CDH2: variants seen among roughly 807,000 people sequenced by gnomAD.
CDH2 encodes cadherin 2.
A neutral mutation model predicts 92.0 loss-of-function variants in CDH2; 17 were observed. The ratio of observed to expected loss-of-function variants is 0.18; its 90% CI spans 0.13 to 0.28. The LOEUF is 0.28. CDH2 is among the 10% of genes least tolerant of loss of function. The pLI, the probability that CDH2 is intolerant of heterozygous loss-of-function variation, is 1.00. For missense variants in CDH2, 862 were observed against 1,133.1 expected (o/e 0.76, Z 3.44); for synonymous variants, 419 against 415.9 (o/e 1.01, Z -0.09).
intron 1 of CDH2, among the ~76,000 whole-genome samples, chr18:28,162,038 G>C (rs2016314137): frequency 6.6e-6 from 1 of 152,126 alleles, no homozygotes. Context: ...CTCTAACCTT[G>C]TCTTTATCAG....
At chr18:27,981,435 C>T (rs889871588) in intron 14 of CDH2, among the ~76,000 whole-genome samples, 2 of 152,146 alleles carry the variant, frequency 1.3e-5, no homozygotes, top group African/African-American at 2.4e-5. Flanking sequence ...GTATTCAAAA[C>T]AGCTTTACAC....
intron 15 of CDH2, among the ~76,000 whole-genome samples, chr18:27,963,069 A>G (rs1681979322): frequency 6.6e-6 from 1 of 152,196 alleles, no homozygotes; most frequent in South Asian, 2.1e-4. Flanking sequence ...CTTGTAATCT[A>G]GGAAAAAAAA....
intron 2 of CDH2, among the ~76,000 whole-genome samples, chr18:28,076,513 T>G (rs1009930332): frequency 6.6e-6 from 1 of 152,190 alleles, no homozygotes; most frequent in Admixed American, 6.5e-5. Context: ...TGCTCAATAA[T>G]TTTTTAACAT....
chr18:28,009,642 A>G (rs928476543), intron 5 of CDH2, 75 bp downstream of exon 5: 26 of 1,348,224 alleles, frequency 1.9e-5, no homozygotes, highest in African/African-American at 1.9e-4. Context: ...TCAGACTGAT[A>G]TAAGAGGCAA....
rs991036940 is a variant in CDH2, at chr18:28,047,737, C to T, written c.173-33828G>A. ...AAAAAAAATTAGCCGGGCGTGGTGG[C>T]GGGTGCCTGTAGTCCCAGCTACTCG... On this transcript the variant is annotated intron_variant, in intron 2 of 15. Coordinates refer to ENST00000269141, the MANE Select transcript of CDH2 (RefSeq NM_001792.5). 2.6e-5 allele frequency among the ~76,000 whole-genome samples: 4 copies of T among 151,494 alleles called. No individual in the cohort carries two copies. In the South Asian group the frequency reaches 6.3e-4, roughly 24 times the overall value.
chr18:27,972,713 T>A (rs2011696837), intron 14 of CDH2, among the ~76,000 whole-genome samples: 1 of 152,168 alleles, frequency 6.6e-6, no homozygotes, highest in African/African-American at 2.4e-5. Flanking sequence ...CCACAGCAGT[T>A]CAACTAACAT....
intron 2 of CDH2, among the ~76,000 whole-genome samples, chr18:28,022,930 GTC>G (rs2013450439): frequency 2.6e-5 from 4 of 151,984 alleles, no homozygotes; most frequent in Admixed American, 6.6e-5. Flanking sequence ...GCTCCAAAAT[GTC>G]TGGTAAGCAA....
chr18:28,001,234 C>A (rs1272042224), intron 7 of CDH2, among the ~76,000 whole-genome samples: 1 of 152,162 alleles, frequency 6.6e-6, no homozygotes, highest in African/African-American at 2.4e-5. Flanking sequence ...GGCTTTCATC[C>A]TCTAAACGAA....
chr18:27,996,703 A>C (rs1332071538), intron 7 of CDH2, among the ~76,000 whole-genome samples: 1 of 152,122 alleles, frequency 6.6e-6, no homozygotes, highest in Non-Finnish European at 1.5e-5. Flanking sequence ...TGCTTTGTTG[A>C]TGCTTGTGCC....
At chr18:28,050,563 A>C (rs2014170299) in intron 2 of CDH2, among the ~76,000 whole-genome samples, 1 of 152,242 alleles carries the variant, frequency 6.6e-6, no homozygotes, top group Admixed American at 6.5e-5. Context: ...AATGGGCTGC[A>C]GTTCTAGGTT....
chr18:28,124,996 T>A (rs1199529068), intron 2 of CDH2, among the ~76,000 whole-genome samples: 1 of 152,248 alleles, frequency 6.6e-6, no homozygotes, highest in African/African-American at 2.4e-5. Context: ...TATGTCCACT[T>A]TATCAGAGAA....
intron 1 of CDH2, among the ~76,000 whole-genome samples, chr18:28,152,858 A>C (rs1260512353): frequency 6.6e-6 from 1 of 152,112 alleles, no homozygotes; most frequent in African/African-American, 2.4e-5. Context: ...GGCTGCAAGG[A>C]ATGAAAAAGG....
Position 28,158,924 on chromosome 18 carries a change from T to C in CDH2, c.61-11140A>G, listed in dbSNP as rs17495250. On this transcript the variant is annotated intron_variant, in intron 1 of 15. Coordinates refer to ENST00000269141, the MANE Select transcript of CDH2 (RefSeq NM_001792.5). ...TTTTGGAAAATACAGTAATTTTTCA[T>C]ACAAATTGTTATTTATGTTACGCAT... Among the ~76,000 whole-genome samples the C allele has an allele frequency of 8.3e-3, 1,271 of 152,340 alleles. 12 individuals carry two copies. The highest frequency in any genetic ancestry group is 0.028 in the African/African-American group (1,150 of 41,570).
chr18:28,087,663 T>C (rs765668416), intron 2 of CDH2, among the ~76,000 whole-genome samples: 1 of 152,112 alleles, frequency 6.6e-6, no homozygotes, highest in African/African-American at 2.4e-5. Context: ...ATTGTTATAT[T>C]AAAAATACTG....
chr18:28,009,616 C>CT (rs1451654458), intron 5 of CDH2, 101 bp downstream of exon 5: 2 of 901,116 alleles, frequency 2.2e-6, no homozygotes, highest in African/African-American at 3.4e-5. Flanking sequence ...TCTTAAAACT[C>CT]TCAGTATTGA....
At chr18:27,940,630 T>C (rs1909113665) in intron 6 of CDH2, among the ~76,000 whole-genome samples, 1 of 152,208 alleles carries the variant, frequency 6.6e-6, no homozygotes, top group South Asian at 2.1e-4. Flanking sequence ...CCCATTATAG[T>C]TCCTCCATTC....
intron 14 of CDH2, among the ~76,000 whole-genome samples, chr18:27,964,068 G>A (rs1256071206): frequency 1.3e-5 from 2 of 152,072 alleles, no homozygotes; most frequent in Non-Finnish European, 2.9e-5. Flanking sequence ...TTTTTAAAAA[G>A]TTACTTAAAA....
chr18:28,073,112 A>G (rs577780593), intron 2 of CDH2, among the ~76,000 whole-genome samples: 1 of 152,264 alleles, frequency 6.6e-6, no homozygotes, highest in African/African-American at 2.4e-5. Flanking sequence ...AAGAATACCA[A>G]TGAGAATCAT....
intron 2 of CDH2, among the ~76,000 whole-genome samples, chr18:28,070,074 T>C (rs1455184196): frequency 6.6e-6 from 1 of 152,056 alleles, no homozygotes; most frequent in Non-Finnish European, 1.5e-5. Context: ...CTTCACAGAA[T>C]CATAGATAGG....
Sources: gnomAD v4.1 joint callset for allele counts (sites outside exome capture counted in the v4.1 genomes callset) on GRCh38, gnomAD v4.1.1 for gene constraint, MANE v1.5 for transcripts, NCBI Gene and HGNC (gene_info 2026-07-23, HGNC 2026-07-21) for gene names.